The following KIDINS220 variants were observed in gnomAD, a reference collection of about 807,000 sequenced individuals.
The protein encoded by KIDINS220 is kinase D interacting substrate 220, also known as kinase D-interacting substrate of 220 kDa.
KIDINS220 carries 63 observed loss-of-function variants against 157.6 expected under a neutral mutation model. That is an observed-to-expected ratio of 0.40 (90% CI 0.33 to 0.49). The LOEUF (loss-of-function observed/expected upper bound fraction) is 0.49. Among genes scored for constraint, KIDINS220 ranks in the 20% least tolerant of loss-of-function variants. The probability of loss-of-function intolerance (pLI) is 0.66; values close to 1 mark genes in which losing one functional copy is unlikely to be tolerated. For missense variants in KIDINS220, 1,772 were observed against 2,171.2 expected, an observed-to-expected ratio of 0.82 and a Z score of 3.65; for synonymous variants, 732 against 783.6, an observed-to-expected ratio of 0.93 and a Z score of 1.10.
chr2:8,746,989 G>A, intron 26 of KIDINS220, 156 bp downstream of exon 26: 1 of 584,120 alleles, frequency 1.7e-6, no homozygotes, highest in Non-Finnish European at 3.1e-6. Context: ...ATTAATTCAG[G>A]AACCATAATT....
intron 28 of KIDINS220, among the ~76,000 whole-genome samples, chr2:8,734,254 G>A (rs1317773433): frequency 1.3e-5 from 2 of 152,142 alleles, no homozygotes; most frequent in Admixed American, 1.3e-4. Flanking sequence ...CAAATACTGA[G>A]GGTGATCACA....
chr2:8,749,298 G>A, intron 24 of KIDINS220: 1 of 396,288 alleles, frequency 2.5e-6, no homozygotes, highest in South Asian at 1.9e-5. Flanking sequence ...AGGCTTCTAT[G>A]ACTAACTAGG....
In KIDINS220 at chr2:8,770,527, A is replaced by G. The variant is rs1394758850; in HGVS notation, c.3011+143T>C. ...CCTGTGCTAATACAACTCCAAAATT[A>G]TAATGGAATTAATAAGAATGATTAA... On this transcript the variant is annotated intron_variant, in intron 22 of 29. Transcript: ENST00000256707. 15 of 474,046 alleles carry G rather than the reference A, an allele frequency of 3.2e-5. No homozygotes were observed. In the East Asian group the frequency reaches 4.8e-4, roughly 15 times the overall value. The allele number at this position is 474,046 out of a possible 1,614,324, so 29.4% of individuals were successfully genotyped here. A position where few individuals can be genotyped will look rare whatever the true frequency, so the allele number is the denominator to read the frequency against.
intron 22 of KIDINS220, among the ~76,000 whole-genome samples, chr2:8,767,627 A>T (rs891668036): frequency 2.0e-4 from 30 of 152,186 alleles, no homozygotes; most frequent in African/African-American, 7.2e-4. Flanking sequence ...AGGAGAGCTG[A>T]TCATCACCCA....
chr2:8,729,551 G>C lies in KIDINS220; in HGVS notation c.*1169C>G. 1.0e-6 allele frequency: 1 copy of C among 980,454 alleles called. No individual in the cohort carries two copies. The highest frequency in any genetic ancestry group is 4.7e-5 in the South Asian group (1 of 21,184). The allele number at this position is 980,454 out of a possible 1,614,324, so 60.7% of individuals were successfully genotyped here. ...CTCTTAACTCGGCTAATAATTAATG[G>C]AAAGTACACTTTTACAGTCACAGCA... On this transcript the variant is annotated 3_prime_UTR_variant, in exon 30 of 30. Coordinates refer to ENST00000256707, the MANE Select transcript of KIDINS220 (RefSeq NM_020738.4).
chr2:8,730,032 C>T lies in KIDINS220; in HGVS notation c.*688G>A, dbSNP rs1374809171. 1.0e-6 allele frequency: 1 copy of T among 985,324 alleles called. No individual in the cohort carries two copies. Among genetic ancestry groups the T allele is most frequent in the Non-Finnish European group, 1.2e-6 (1 of 829,990 alleles). The allele number at this position is 985,324 out of a possible 1,614,324, so 61.0% of individuals were successfully genotyped here. On this transcript the variant is annotated 3_prime_UTR_variant, in exon 30 of 30. Transcript: ENST00000256707. ...GGGATTTGGAGAGAAGAGTTTCCGA[C>T]ATATAAACCCACGGAGGTCACCAGC...
intron 26 of KIDINS220, among the ~76,000 whole-genome samples, chr2:8,744,386 AAAATATATATATATAATAT>A (rs1666183620): frequency 1.5e-4 from 4 of 26,866 alleles, no homozygotes; most frequent in African/African-American, 5.5e-4. Flanking sequence ...AAAAAAAAAA[AAAATATATATATATAATAT>A]ATATATATAT....
chr2:8,832,123 C>T (rs1438959387), intron 1 of KIDINS220, among the ~76,000 whole-genome samples: 1 of 152,148 alleles, frequency 6.6e-6, no homozygotes, highest in Non-Finnish European at 1.5e-5. Context: ...AACTCTTCCC[C>T]GAATCACCTA....
At chr2:8,773,271 G>T (rs561602565) in intron 21 of KIDINS220, among the ~76,000 whole-genome samples, 13 of 152,286 alleles carry the variant, frequency 8.5e-5, no homozygotes, top group African/African-American at 2.9e-4. Flanking sequence ...CATTTGAAAT[G>T]TGGCTTTAGG....
At chr2:8,779,467 A>G (rs1473241498) in intron 18 of KIDINS220, among the ~76,000 whole-genome samples, 1 of 152,224 alleles carries the variant, frequency 6.6e-6, no homozygotes, top group Non-Finnish European at 1.5e-5. Context: ...CACTAAGCTA[A>G]AATTATTTAA....
At chr2:8,835,633 C>T (rs910893841) in intron 1 of KIDINS220, among the ~76,000 whole-genome samples, 1 of 148,120 alleles carries the variant, frequency 6.8e-6, no homozygotes, top group East Asian at 2.0e-4. Context: ...GCACTCCAGC[C>T]TGGGCAACAG....
At chr2:8,805,583 C>T (rs1473203303) in intron 7 of KIDINS220, among the ~76,000 whole-genome samples, 1 of 152,070 alleles carries the variant, frequency 6.6e-6, no homozygotes, top group East Asian at 1.9e-4. Context: ...CAAATATAAC[C>T]AAAGATACTC....
At chr2:8,815,531 C>T (rs1676946826) in intron 4 of KIDINS220, among the ~76,000 whole-genome samples, 2 of 151,912 alleles carry the variant, frequency 1.3e-5, no homozygotes, top group African/African-American at 2.4e-5. Flanking sequence ...TAGCCAGGTG[C>T]GGTGGCATGC....
At chr2:8,744,227 TA>T (rs1218146432) in intron 26 of KIDINS220, among the ~76,000 whole-genome samples, 1 of 144,376 alleles carries the variant, frequency 6.9e-6, no homozygotes, top group African/African-American at 2.5e-5. Context: ...AACACTTGGA[TA>T]TATCTATAAT....
chr2:8,822,621 T>C (rs1189551463), intron 2 of KIDINS220, among the ~76,000 whole-genome samples: 1 of 152,022 alleles, frequency 6.6e-6, no homozygotes, highest in East Asian at 1.9e-4. Context: ...AGCAAGGCCC[T>C]GTCTCAAAAA....
chr2:8,730,492 T>C lies in KIDINS220; in HGVS notation c.*228A>G. 7.1e-7 allele frequency: 1 copy of C among 1,401,892 alleles called. No individual in the cohort carries two copies. Among genetic ancestry groups the C allele is most frequent in the East Asian group, 2.6e-5 (1 of 38,406 alleles). The allele number at this position is 1,401,892 out of a possible 1,614,324, so 86.8% of individuals were successfully genotyped here. A position where few individuals can be genotyped will look rare whatever the true frequency, so the allele number is the denominator to read the frequency against. The stretch of plus-strand genomic sequence containing the variant: ...GCGCCAATGAAAGGTACAGTAGTAT[T>C]AGTGAGTTCTGAAGCTTCTAATTAC... On this transcript the variant is annotated 3_prime_UTR_variant, in exon 30 of 30. Coordinates refer to ENST00000256707, the MANE Select transcript of KIDINS220 (RefSeq NM_020738.4).
intron 9 of KIDINS220, among the ~76,000 whole-genome samples, chr2:8,798,898 G>A (rs987267472): frequency 7.9e-5 from 12 of 152,128 alleles, no homozygotes; most frequent in East Asian, 3.9e-4. Flanking sequence ...ACTCACAGAC[G>A]CAAGGAAGTT....
intron 7 of KIDINS220, 102 bp downstream of exon 7, chr2:8,806,169 C>A (rs545807754): frequency 4.9e-5 from 38 of 769,074 alleles, no homozygotes; most frequent in Non-Finnish European, 7.9e-5. Context: ...CATTTTAGAA[C>A]TAGAGGGAAA....
intron 1 of KIDINS220, among the ~76,000 whole-genome samples, chr2:8,832,321 GATT>G (rs781420420): frequency 1.4e-4 from 22 of 152,176 alleles, no homozygotes; most frequent in Non-Finnish European, 2.8e-4. Flanking sequence ...CTGAATAATT[GATT>G]ATTAAATGTC....
Sources: gnomAD v4.1 joint callset for allele counts (sites outside exome capture counted in the v4.1 genomes callset) on GRCh38, gnomAD v4.1.1 for gene constraint, MANE v1.5 for transcripts, NCBI Gene and HGNC (gene_info 2026-07-23, HGNC 2026-07-21) for gene names.